The following RANBP2 variants were observed in gnomAD, a reference collection of about 807,000 sequenced individuals.
RANBP2 encodes RAN binding protein 2.
A neutral mutation model predicts 303.6 loss-of-function variants in RANBP2; 57 were observed. The ratio of observed to expected loss-of-function variants is 0.19; its 90% CI spans 0.15 to 0.23. RANBP2 has a LOEUF of 0.23. Ranked by LOEUF, RANBP2 falls within the 10% of genes least tolerant of loss-of-function variation. RANBP2 has a pLI of 1.00. For missense variants in RANBP2, 3,138 were observed against 3,780.8 expected (o/e 0.83, Z 4.46); for synonymous variants, 1,167 against 1,301.5 (o/e 0.90, Z 2.23).
At chr2:109,422,755 A>G in the RANBP2 span, among the ~76,000 whole-genome samples, 1 of 152,188 alleles carries the variant, frequency 6.6e-6, no homozygotes, top group African/African-American at 2.4e-5. Flanking sequence ...TGCTGTGAGT[A>G]GGTTGCCCCT....
the RANBP2 span, among the ~76,000 whole-genome samples, chr2:108,991,930 G>A: frequency 6.6e-6 from 1 of 152,156 alleles, no homozygotes; most frequent in African/African-American, 2.4e-5. Flanking sequence ...CTCCCGAGGA[G>A]CTGGGATTAC....
the RANBP2 span, among the ~76,000 whole-genome samples, chr2:109,063,927 C>T: frequency 2.0e-5 from 3 of 152,000 alleles, no homozygotes; most frequent in African/African-American, 7.3e-5. Flanking sequence ...TTCTTTTGGG[C>T]TTATTCTCAT....
chr2:109,527,376 C>A, the RANBP2 span, among the ~76,000 whole-genome samples: 1 of 152,178 alleles, frequency 6.6e-6, no homozygotes, highest in African/African-American at 2.4e-5. Context: ...CCTTCCCCTG[C>A]AGCGGGAAAG....
chr2:109,113,489 C>G, the RANBP2 span, among the ~76,000 whole-genome samples: 1 of 152,154 alleles, frequency 6.6e-6, no homozygotes, highest in African/African-American at 2.4e-5. Context: ...GATTTTGTAT[C>G]CTAAGACTTT....
the RANBP2 span, among the ~76,000 whole-genome samples, chr2:109,264,812 G>A: frequency 1.1e-4 from 17 of 152,330 alleles, no homozygotes; most frequent in South Asian, 3.5e-3. Flanking sequence ...CGTGCATGCC[G>A]CACCCTCCTG....
At chr2:109,589,954 A>C in the RANBP2 span, among the ~76,000 whole-genome samples, 4 of 152,036 alleles carry the variant, frequency 2.6e-5, 1 homozygote, top group African/African-American at 9.6e-5. Flanking sequence ...ATAGTGATTT[A>C]TTTACTGAGG....
the RANBP2 span, among the ~76,000 whole-genome samples, chr2:109,097,976 C>T: frequency 3.3e-5 from 5 of 152,140 alleles, no homozygotes; most frequent in Non-Finnish European, 5.9e-5. Context: ...ACCATAAAGG[C>T]CACGGACTGT....
At chr2:108,919,856 G>A in the RANBP2 span, among the ~76,000 whole-genome samples, 1 of 152,226 alleles carries the variant, frequency 6.6e-6, no homozygotes, top group African/African-American at 2.4e-5. Flanking sequence ...CCCTGAGTGC[G>A]TAGCTGACTT....
the RANBP2 span, among the ~76,000 whole-genome samples, chr2:108,840,211 T>G: frequency 6.6e-6 from 1 of 152,178 alleles, no homozygotes; most frequent in East Asian, 1.9e-4. Context: ...TGTTTAATTC[T>G]TTTTATATGT....
chr2:109,184,053 G>A, the RANBP2 span, among the ~76,000 whole-genome samples: 1 of 152,346 alleles, frequency 6.6e-6, no homozygotes, highest in South Asian at 2.1e-4. Flanking sequence ...GCTGTCCAGG[G>A]TATCACGATC....
intron 7 of RANBP2, among the ~76,000 whole-genome samples, chr2:108,743,926 G>A (rs986619750): frequency 1.3e-5 from 2 of 152,122 alleles, no homozygotes; most frequent in Admixed American, 6.5e-5. Context: ...TTATTTTAAA[G>A]CTTAATGATC....
chr2:109,711,068 G>A, the RANBP2 span, among the ~76,000 whole-genome samples: 7 of 151,922 alleles, frequency 4.6e-5, 1 homozygote, highest in South Asian at 4.2e-4. Flanking sequence ...ACACATTTGC[G>A]TAGGTCTGCT....
At chr2:109,312,557 C>T in the RANBP2 span, among the ~76,000 whole-genome samples, 1 of 151,968 alleles carries the variant, frequency 6.6e-6, no homozygotes, top group Non-Finnish European at 1.5e-5. Flanking sequence ...GGCCCCAGGC[C>T]ACCACAACCT....
the RANBP2 span, chr2:109,615,234 T>A: frequency 6.5e-7 from 1 of 1,548,036 alleles, no homozygotes; most frequent in Non-Finnish European, 8.7e-7. Flanking sequence ...ATCGGTGGCC[T>A]CGTCGTCCGC....
the RANBP2 span, among the ~76,000 whole-genome samples, chr2:109,697,808 A>G: frequency 0.026 from 4,006 of 151,228 alleles, 184 homozygotes; most frequent in African/African-American, 0.092. Context: ...CTTATTCATT[A>G]TCTTAGGAGG....
At chr2:109,344,834 C>T in the RANBP2 span, among the ~76,000 whole-genome samples, 1 of 152,160 alleles carries the variant, frequency 6.6e-6, no homozygotes, top group Admixed American at 6.5e-5. Context: ...GAGGGACAGA[C>T]AGCCTCTAGG....
the RANBP2 span, among the ~76,000 whole-genome samples, chr2:109,486,377 G>A: frequency 2.2e-4 from 34 of 152,292 alleles, no homozygotes; most frequent in African/African-American, 7.9e-4. Context: ...AGTGGTTCGG[G>A]TGCTCTCCCA....
At chr2:109,058,514 G>A in the RANBP2 span, among the ~76,000 whole-genome samples, 2 of 152,170 alleles carry the variant, frequency 1.3e-5, no homozygotes, top group Non-Finnish European at 2.9e-5. Flanking sequence ...ATTATGCAGC[G>A]GCCTGAGGGA....
the RANBP2 span, among the ~76,000 whole-genome samples, chr2:109,126,342 A>T: frequency 6.6e-6 from 1 of 152,198 alleles, no homozygotes; most frequent in African/African-American, 2.4e-5. Context: ...GTCGTGCAAG[A>T]TAAAGATGTA....
Sources: allele counts gnomAD v4.1 joint callset (sites outside exome capture counted in the v4.1 genomes callset), GRCh38; gene constraint gnomAD v4.1.1; transcripts MANE v1.5; gene names NCBI Gene and HGNC (gene_info 2026-07-23, HGNC 2026-07-21).